The following HPSE2 variants were observed in gnomAD, a reference collection of about 807,000 sequenced individuals.
The protein encoded by HPSE2 is heparanase 2 (inactive).
HPSE2 carries 38 observed loss-of-function variants against 60.5 expected under a neutral mutation model. The observed-to-expected ratio is 0.63, with a 90% CI of 0.48 to 0.82. The LOEUF is 0.82. Ranked by LOEUF, HPSE2 falls within the 40% of genes least tolerant of loss-of-function variation. The pLI, the probability that HPSE2 is intolerant of heterozygous loss-of-function variation, is 0.00. For missense variants in HPSE2, 713 were observed against 740.4 expected (o/e 0.96, Z 0.43); for synonymous variants, 295 against 293.2 (o/e 1.01, Z -0.06).
At chr10:98,971,921 C>T (rs764987671) in intron 3 of HPSE2, among the ~76,000 whole-genome samples, 1 of 152,132 alleles carries the variant, frequency 6.6e-6, no homozygotes, top group Non-Finnish European at 1.5e-5. Context: ...ATACCCCCTA[C>T]TCTTACTCCC....
At chr10:99,263,887 C>T in the HPSE2 span, among the ~76,000 whole-genome samples, 2 of 152,140 alleles carry the variant, frequency 1.3e-5, no homozygotes, top group Non-Finnish European at 2.9e-5. Context: ...CCACTCTTGA[C>T]TCCCTCTTGG....
At position 98,884,183 on chromosome 10, in the gene HPSE2, A is replaced by G. The variant is rs1290971483; in HGVS notation, c.611-140127T>C. ...CCTCTCTTTAATTCTCTGAAGGCTG[A>G]GAGAGGTGAGGAAGCTGCTGAAGAA... On this transcript the variant is annotated intron_variant, in intron 3 of 11. Transcript: ENST00000370552. Among the ~76,000 whole-genome samples the G allele has an allele frequency of 2.0e-5, 3 of 152,110 alleles. No individual in the cohort carries two copies. In the East Asian group the frequency reaches 5.8e-4, roughly 29 times the overall value.
intron 9 of HPSE2, among the ~76,000 whole-genome samples, chr10:98,592,401 C>T (rs1945114892): frequency 1.3e-5 from 2 of 152,156 alleles, no homozygotes; most frequent in African/African-American, 4.8e-5. Context: ...TTATTGGGTT[C>T]TCCCTCAAAC....
chr10:98,536,232 A>G (rs933258914), intron 9 of HPSE2, among the ~76,000 whole-genome samples: 7 of 152,246 alleles, frequency 4.6e-5, no homozygotes, highest in African/African-American at 1.7e-4. Context: ...TTGTTACAAA[A>G]GTAAAGGCTC....
At chr10:98,764,546 A>T (rs538352494) in intron 3 of HPSE2, among the ~76,000 whole-genome samples, 8 of 152,220 alleles carry the variant, frequency 5.3e-5, no homozygotes, top group Non-Finnish European at 1.0e-4. Flanking sequence ...AAATATAATT[A>T]TATAAATAGG....
chr10:98,498,845 T>G (rs1941936714), intron 9 of HPSE2, among the ~76,000 whole-genome samples: 1 of 152,066 alleles, frequency 6.6e-6, no homozygotes, highest in African/African-American at 2.4e-5. Context: ...ACTTATAGAA[T>G]TGCAAAATGT....
intron 2 of HPSE2, among the ~76,000 whole-genome samples, chr10:99,158,600 T>A: frequency 8.1e-6 from 1 of 124,030 alleles, no homozygotes; most frequent in Admixed American, 8.7e-5. Flanking sequence ...CTGGGGACTG[T>A]GGTGGGGTGG....
chr10:99,010,960 T>C (rs1956998866), intron 3 of HPSE2, among the ~76,000 whole-genome samples: 1 of 151,984 alleles, frequency 6.6e-6, no homozygotes, highest in African/African-American at 2.4e-5. Flanking sequence ...CACCCAGGTA[T>C]TAAACCTAGT....
At chr10:98,942,523 A>G (rs1589403921) in intron 3 of HPSE2, among the ~76,000 whole-genome samples, 1 of 151,886 alleles carries the variant, frequency 6.6e-6, no homozygotes, top group Non-Finnish European at 1.5e-5. Flanking sequence ...AATCAAAACC[A>G]CAATGAGATA....
At chr10:99,145,877 C>A (rs967102196) in intron 2 of HPSE2, among the ~76,000 whole-genome samples, 1 of 152,122 alleles carries the variant, frequency 6.6e-6, no homozygotes, top group African/African-American at 2.4e-5. Flanking sequence ...AAACCCATGA[C>A]TATGAGAGTT....
chr10:98,502,775 G>C (rs1013281816), intron 9 of HPSE2, among the ~76,000 whole-genome samples: 1 of 152,192 alleles, frequency 6.6e-6, no homozygotes, highest in African/African-American at 2.4e-5. Flanking sequence ...CTATACATCT[G>C]TCAAAGGATT....
chr10:98,825,467 C>T (rs1951520894), intron 3 of HPSE2, among the ~76,000 whole-genome samples: 1 of 152,168 alleles, frequency 6.6e-6, no homozygotes, highest in South Asian at 2.1e-4. Context: ...TAAACAACAA[C>T]TATTCAAGGG....
intron 3 of HPSE2, among the ~76,000 whole-genome samples, chr10:98,852,131 G>GTGTGTT (rs1952192204): frequency 7.5e-6 from 1 of 132,660 alleles, no homozygotes; most frequent in Non-Finnish European, 1.6e-5. Flanking sequence ...GTGTGTGTGT[G>GTGTGTT]TGTGTGTGTG....
At chr10:98,636,467 T>C (rs1397282698) in intron 7 of HPSE2, among the ~76,000 whole-genome samples, 1 of 152,186 alleles carries the variant, frequency 6.6e-6, no homozygotes, top group Non-Finnish European at 1.5e-5. Flanking sequence ...CTCAAACTCC[T>C]GACCTCAGGT....
chr10:98,970,075 C>A (rs1955913237), intron 3 of HPSE2, among the ~76,000 whole-genome samples: 2 of 152,004 alleles, frequency 1.3e-5, no homozygotes, highest in Non-Finnish European at 2.9e-5. Context: ...GATTCTCCTG[C>A]CTCATCCTCC....
At chr10:98,565,907 T>TAG (rs146731277) in intron 9 of HPSE2, among the ~76,000 whole-genome samples, 75 of 149,460 alleles carry the variant, frequency 5.0e-4, no homozygotes, top group East Asian at 1.6e-3. Flanking sequence ...CACCAAGAGG[T>TAG]AGAGAGAGAG....
intron 9 of HPSE2, among the ~76,000 whole-genome samples, chr10:98,590,252 C>T (rs1369172629): frequency 6.6e-6 from 1 of 152,206 alleles, no homozygotes; most frequent in Non-Finnish European, 1.5e-5. Flanking sequence ...ACCATCCTGG[C>T]TAACATGGTG....
chr10:99,067,811 A>T (rs1307836229), intron 3 of HPSE2, among the ~76,000 whole-genome samples: 17 of 152,236 alleles, frequency 1.1e-4, no homozygotes, highest in Admixed American at 1.1e-3. Flanking sequence ...CTTGTTAATT[A>T]TGCAAATTTC....
intron 9 of HPSE2, among the ~76,000 whole-genome samples, chr10:98,571,853 T>C (rs1430128723): frequency 1.3e-5 from 2 of 152,212 alleles, no homozygotes; most frequent in African/African-American, 2.4e-5. Flanking sequence ...CTTATTTTCA[T>C]AGCTGTGAGT....
Sources: gnomAD v4.1 joint callset for allele counts (sites outside exome capture counted in the v4.1 genomes callset) on GRCh38, gnomAD v4.1.1 for gene constraint, MANE v1.5 for transcripts, NCBI Gene and HGNC (gene_info 2026-07-23, HGNC 2026-07-21) for gene names.